Variants in PRRX1 observed in about 807,000 individuals in gnomAD.
PRRX1 encodes paired related homeobox 1.
PRRX1 carries 8 observed loss-of-function variants against 24.0 expected under a neutral mutation model. The ratio of observed to expected loss-of-function variants is 0.33; its 90% CI spans 0.20 to 0.60. The LOEUF is 0.60. PRRX1 is among the 20% of genes least tolerant of loss of function. The pLI is 0.82. For synonymous variants in PRRX1, 160 were observed against 131.7 expected (o/e 1.22, Z -1.47); for missense variants, 281 against 322.4 (o/e 0.87, Z 0.98).
chr1:170,675,505 G>A (rs565899214), intron 1 of PRRX1, among the ~76,000 whole-genome samples: 1 of 151,964 alleles, frequency 6.6e-6, no homozygotes, highest in African/African-American at 2.4e-5. Flanking sequence ...GAAAGAAGGA[G>A]GAAAATGATT....
chr1:170,702,127 T>C (rs540443651), intron 1 of PRRX1, among the ~76,000 whole-genome samples: 47 of 152,282 alleles, frequency 3.1e-4, no homozygotes, highest in South Asian at 2.5e-3. Context: ...CAGTTCACAA[T>C]AGGGTTTCTA....
intron 2 of PRRX1, among the ~76,000 whole-genome samples, chr1:170,724,878 C>A (rs1014571908): frequency 5.3e-5 from 8 of 152,118 alleles, no homozygotes; most frequent in Admixed American, 5.2e-4. Context: ...GGATGTATAG[C>A]CATTTTTGTG....
In PRRX1 at chr1:170,737,650, A is replaced by G. The variant is rs1482638916; in HGVS notation, c.*1464A>G. 1 of 219,158 alleles carries G rather than the reference A, an allele frequency of 4.6e-6. No individual in the cohort carries two copies. Among genetic ancestry groups the G allele is most frequent in the Non-Finnish European group, 9.2e-6 (1 of 109,114 alleles). 13.6% of individuals were successfully genotyped at this position (219,158 alleles called of 1,614,324 possible). On this transcript the variant is annotated 3_prime_UTR_variant, in exon 4 of 4. Coordinates refer to ENST00000239461, the MANE Select transcript of PRRX1 (RefSeq NM_022716.4). ...TTTTTATTTTTTAATATTTTGAAAT[A>G]AAGTTTAGTGTCTAGGGCTGGGAGC...
intron 2 of PRRX1, among the ~76,000 whole-genome samples, chr1:170,720,624 C>T (rs780706325): frequency 2.4e-4 from 36 of 152,178 alleles, no homozygotes; most frequent in Non-Finnish European, 4.1e-4. Flanking sequence ...CAGCTCTCCT[C>T]CCCAGTCTTC....
intron 1 of PRRX1, among the ~76,000 whole-genome samples, chr1:170,680,101 G>A (rs1174168372): frequency 6.6e-6 from 1 of 152,078 alleles, no homozygotes; most frequent in Non-Finnish European, 1.5e-5. Flanking sequence ...ATATGCTAAA[G>A]TTATATCTCA....
chr1:170,679,250 T>A (rs935147122), intron 1 of PRRX1, among the ~76,000 whole-genome samples: 3 of 152,188 alleles, frequency 2.0e-5, no homozygotes, highest in African/African-American at 4.8e-5. Context: ...TAAACGAATA[T>A]GTGAACAAAC....
At chr1:170,704,310 C>T (rs1654491492) in intron 1 of PRRX1, among the ~76,000 whole-genome samples, 1 of 152,142 alleles carries the variant, frequency 6.6e-6, no homozygotes, top group African/African-American at 2.4e-5. Flanking sequence ...TTAAGTTGCT[C>T]TCTCATGGAA....
intron 2 of PRRX1, among the ~76,000 whole-genome samples, chr1:170,721,675 G>C (rs1655089794): frequency 6.6e-6 from 1 of 152,230 alleles, no homozygotes; most frequent in East Asian, 1.9e-4. Flanking sequence ...TTGGGCTCAA[G>C]TGAGAGTGAC....
chr1:170,699,433 G>A (rs937626843), intron 1 of PRRX1, among the ~76,000 whole-genome samples: 1 of 151,884 alleles, frequency 6.6e-6, no homozygotes, highest in African/African-American at 2.4e-5. Flanking sequence ...TCCCATTCAT[G>A]AGCTCTAGTT....
At chr1:170,711,620 T>G (rs1017780200) in intron 1 of PRRX1, among the ~76,000 whole-genome samples, 1 of 152,126 alleles carries the variant, frequency 6.6e-6, no homozygotes, top group Non-Finnish European at 1.5e-5. Context: ...AAAGGTGACA[T>G]ATGATGCTTG....
At chr1:170,663,129 A>G, upstream of PRRX1, 1 of 145,474 alleles carries the variant, frequency 6.9e-6, no homozygotes, top group South Asian at 2.2e-4. Context: ...TTTCTCTCTA[A>G]CTCTGATGTT....
At chr1:170,722,980 A>G (rs1452759925) in intron 2 of PRRX1, among the ~76,000 whole-genome samples, 1 of 152,168 alleles carries the variant, frequency 6.6e-6, no homozygotes, top group Non-Finnish European at 1.5e-5. Context: ...ATGAGGTTAG[A>G]GTGATGTGGT....
At chr1:170,685,507 A>G (rs1571321469) in intron 1 of PRRX1, among the ~76,000 whole-genome samples, 1 of 152,210 alleles carries the variant, frequency 6.6e-6, no homozygotes, top group East Asian at 1.9e-4. Context: ...TGAAAGTTTA[A>G]AAAGTATTCA....
chr1:170,720,245 C>A (rs1655040566), intron 2 of PRRX1, among the ~76,000 whole-genome samples: 1 of 151,718 alleles, frequency 6.6e-6, no homozygotes, highest in African/African-American at 2.4e-5. Flanking sequence ...GCCAGTGCAC[C>A]CCAGCCTGGG....
chr1:170,697,862 A>G (rs552509918), intron 1 of PRRX1, among the ~76,000 whole-genome samples: 1 of 148,778 alleles, frequency 6.7e-6, no homozygotes, highest in Admixed American at 6.7e-5. Flanking sequence ...GTATATCTAT[A>G]TATACATATA....
At chr1:170,670,395 G>A (rs570995685) in intron 1 of PRRX1, among the ~76,000 whole-genome samples, 2 of 152,312 alleles carry the variant, frequency 1.3e-5, no homozygotes, top group Admixed American at 1.3e-4. Context: ...GCAAACGGCT[G>A]CCATGCCTCC....
intron 1 of PRRX1, among the ~76,000 whole-genome samples, chr1:170,673,032 A>G (rs1316743926): frequency 6.6e-6 from 1 of 152,188 alleles, no homozygotes; most frequent in Non-Finnish European, 1.5e-5. Context: ...GAGCTCAATT[A>G]TATGTAATAT....
chr1:170,691,569 C>T (rs1233220387), intron 1 of PRRX1, among the ~76,000 whole-genome samples: 2 of 149,302 alleles, frequency 1.3e-5, no homozygotes, highest in Admixed American at 1.4e-4. Flanking sequence ...TTGCCTGCCT[C>T]TCTTCCCCCA....
chr1:170,730,568 A>G, intron 3 of PRRX1: 1 of 527,004 alleles, frequency 1.9e-6, no homozygotes, highest in Non-Finnish European at 3.4e-6. Context: ...ATTGCTGTGC[A>G]CAGGAAACAT....
Sources: gnomAD v4.1 joint callset for allele counts (sites outside exome capture counted in the v4.1 genomes callset) on GRCh38, gnomAD v4.1.1 for gene constraint, MANE v1.5 for transcripts, NCBI Gene and HGNC (gene_info 2026-07-23, HGNC 2026-07-21) for gene names.